SLC25A40: variants seen among roughly 807,000 people sequenced by gnomAD.
The protein encoded by SLC25A40 is solute carrier family 25 member 40, also known as mitochondrial glutathione transporter SLC25A40.
In SLC25A40, 41 loss-of-function variants were observed where a neutral mutation model predicts 46.5. That is an observed-to-expected ratio of 0.88 (90% CI 0.69 to 1.14). SLC25A40 has a LOEUF of 1.14. Ranked by LOEUF, SLC25A40 falls within the 50% of genes most tolerant of loss-of-function variation. The pLI is 0.00. For synonymous variants in SLC25A40, 126 were observed against 127.5 expected (o/e 0.99, Z 0.08); for missense variants, 386 against 393.6 (o/e 0.98, Z 0.16).
Position 87,843,784 on chromosome 7 carries a change from G to A in SLC25A40, c.711C>T (p.Ile237=). The A allele has an allele frequency of 6.2e-7, 1 of 1,610,542 alleles. No homozygotes were observed. ...KSGLYEPTFM[I]NFTSGALSGS... is the part of the protein sequence containing the mutation. The stretch of plus-strand genomic sequence containing the variant: ...CAGACAATGCCCCTGAAGTAAAGTT[G>A]ATCATAAATGTTGGCTCATATAAAC... Residue 237 remains isoleucine, a synonymous_variant, in exon 9 of 12, where the codon ATC becomes ATT. Transcript: ENST00000341119.
intron 10 of SLC25A40, 74 bp downstream of exon 10, chr7:87,841,559 T>G (rs1391348111): frequency 2.6e-6 from 2 of 782,004 alleles, no homozygotes; most frequent in Non-Finnish European, 3.8e-6. Context: ...TTCCTTATTT[T>G]AGATATCCCT....
chr7:87,843,821 C>T lies in SLC25A40; in HGVS notation c.674G>A (p.Cys225Tyr), dbSNP rs151156402. 5 of 1,610,816 alleles carry T rather than the reference C, an allele frequency of 3.1e-6. No homozygotes were observed. The African/African-American group carries it at 5.3e-5, about 17-fold the overall frequency. The change falls in exon 9 of 12, where the codon TGT becomes TAT. Residue 225 changes from cysteine (C) to tyrosine (Y), a missense_variant. Transcript: ENST00000341119. ...YNYEILKKWL[C>Y]EKSGLYEPTF... is the part of the protein sequence containing the mutation. ...TGGCTCATATAAACCAGATTTCTCA[C>T]ATAACCACTTCTTTAAAATTTCATA...
At chr7:87,852,322 C>T (rs542533223) in intron 5 of SLC25A40, among the ~76,000 whole-genome samples, 2 of 152,190 alleles carry the variant, frequency 1.3e-5, no homozygotes, top group South Asian at 2.1e-4. Context: ...TGTCTCACGC[C>T]GGTATCTCAG....
intron 1 of SLC25A40, among the ~76,000 whole-genome samples, chr7:87,865,527 T>G (rs1306024296): frequency 6.6e-6 from 1 of 152,164 alleles, no homozygotes; most frequent in Non-Finnish European, 1.5e-5. Flanking sequence ...TCCCAGCACT[T>G]TGGGAGACCA....
chr7:87,873,861 A>G (rs956795165), intron 1 of SLC25A40, among the ~76,000 whole-genome samples: 1 of 152,128 alleles, frequency 6.6e-6, no homozygotes, highest in African/African-American at 2.4e-5. Context: ...ATGTTCTCCA[A>G]TTTTGCCTAA....
chr7:87,868,826 G>A (rs1838847842), intron 1 of SLC25A40, among the ~76,000 whole-genome samples: 1 of 152,080 alleles, frequency 6.6e-6, no homozygotes, highest in Non-Finnish European at 1.5e-5. Context: ...TTAAACCACT[G>A]GTCATTAGTG....
rs922214631 is a variant in SLC25A40, at chr7:87,858,631, C to G, written c.97G>C (p.Val33Leu). 6.6e-7 allele frequency: 1 copy of G among 1,521,952 alleles called. No homozygotes were observed. The highest frequency in any genetic ancestry group is 2.3e-5 in the East Asian group (1 of 44,440). 94.3% of individuals were successfully genotyped at this position (1,521,952 alleles called of 1,614,324 possible). ...CTGAILTSVIVTPLDVVKIRL... is the reference protein window; with the variant it reads ...CTGAILTSVILTPLDVVKIRL... ...ATCTACATCAGTAACATAATTTTAC[C>G]TATTACTGATGTCAGTATAGCTCCA... Residue 33 changes from valine to leucine, a missense_variant and splice_region_variant, in exon 3 of 12, where the codon GTG (valine) becomes CTG (leucine). Transcript: ENST00000341119.
At chr7:87,867,729 T>C (rs1838826249) in intron 1 of SLC25A40, among the ~76,000 whole-genome samples, 4 of 152,220 alleles carry the variant, frequency 2.6e-5, no homozygotes, top group Non-Finnish European at 5.9e-5. Context: ...TTACTGGGCA[T>C]GTTTGCTTAG....
chr7:87,843,734 C>A lies in SLC25A40; in HGVS notation c.741+20G>T, dbSNP rs376198463. The stretch of plus-strand genomic sequence containing the variant: ...AACAATTATTCTTCTGGAATATTAA[C>A]AACAAAAGAATAAACTTACAGAACC... On this transcript the variant is annotated intron_variant, in intron 9 of 11. Transcript: ENST00000341119. 7.2e-6 allele frequency: 11 copies of A among 1,532,002 alleles called. No individual in the cohort carries two copies. The highest frequency in any genetic ancestry group is 3.4e-4 in the Middle Eastern group (2 of 5,920). 94.9% of individuals were successfully genotyped at this position (1,532,002 alleles called of 1,614,324 possible). A position where few individuals can be genotyped will look rare whatever the true frequency, so the allele number is the denominator to read the frequency against.
intron 10 of SLC25A40, among the ~76,000 whole-genome samples, chr7:87,838,984 T>A (rs1378048710): frequency 6.6e-6 from 1 of 151,628 alleles, no homozygotes; most frequent in African/African-American, 2.4e-5. Flanking sequence ...TTTGCTGTTT[T>A]TAACAATCTT....
At chr7:87,853,686 G>A (rs1838555020) in intron 5 of SLC25A40, among the ~76,000 whole-genome samples, 1 of 152,026 alleles carries the variant, frequency 6.6e-6, no homozygotes, top group Non-Finnish European at 1.5e-5. Context: ...ACCCCAAAAG[G>A]TTATATATGT....
Position 87,836,822 on chromosome 7 carries a change from A to C in SLC25A40, c.824-12T>G. The C allele has an allele frequency of 7.2e-7, 1 of 1,395,414 alleles. No homozygotes were observed. Among genetic ancestry groups the C allele is most frequent in the Non-Finnish European group, 9.7e-7 (1 of 1,033,726 alleles). The allele number at this position is 1,395,414 out of a possible 1,614,324, so 86.4% of individuals were successfully genotyped here. On this transcript the variant is annotated splice_polypyrimidine_tract_variant and intron_variant, in intron 10 of 11. Coordinates refer to ENST00000341119, the MANE Select transcript of SLC25A40 (RefSeq NM_018843.4). Reference sequence around the variant, plus strand: ...CAAAGGCATAGAAACTAAATGTTAAAATAAAGAAATAATGCTATTATAAAT... The same window carrying C: ...CAAAGGCATAGAAACTAAATGTTAACATAAAGAAATAATGCTATTATAAAT...
chr7:87,837,077 A>T (rs1399804770), intron 10 of SLC25A40: 1 of 193,500 alleles, frequency 5.2e-6, no homozygotes, highest in African/African-American at 2.3e-5. Flanking sequence ...TGACTTGATA[A>T]TGCTTGTTTC....
chr7:87,843,538 A>C lies in SLC25A40; in HGVS notation c.741+216T>G, dbSNP rs17149957. 7.0e-3 allele frequency among the ~76,000 whole-genome samples: 1,065 copies of C among 152,192 alleles called. 9 individuals are homozygous for C. Among genetic ancestry groups the C allele is most frequent in the East Asian group, 0.049 (253 of 5,182 alleles). ...TCTAACAAATCCAAAAGTTTCTCAG[A>C]AAAATATGTTTTTGTAACATAAAAA... On this transcript the variant is annotated intron_variant, in intron 9 of 11. Coordinates refer to ENST00000341119, the MANE Select transcript of SLC25A40 (RefSeq NM_018843.4).
chr7:87,835,265 GCTT>G lies in SLC25A40; in HGVS notation c.*981_*983del, dbSNP rs1478465790. On this transcript the variant is annotated 3_prime_UTR_variant, in exon 12 of 12. Coordinates refer to ENST00000341119, the MANE Select transcript of SLC25A40 (RefSeq NM_018843.4). ...TGAAAGCAATGTCTTCAAGGAAACAGCTTCTTGTTTAGCCTCTTACTCTACCAT... is the reference window on the plus strand; with the variant it reads ...TGAAAGCAATGTCTTCAAGGAAACAGCTTGTTTAGCCTCTTACTCTACCAT... The G allele has an allele frequency of 1.3e-5, 2 of 151,556 alleles. No homozygotes were observed. The highest frequency in any genetic ancestry group is 2.4e-5 in the African/African-American group (1 of 41,364). 9.4% of individuals were successfully genotyped at this position (151,556 alleles called of 1,614,324 possible).
At chr7:87,856,387 T>C in intron 3 of SLC25A40, 36 bp from the exon 4 acceptor site, 1 of 1,486,032 alleles carries the variant, frequency 6.7e-7, no homozygotes, top group Non-Finnish European at 9.4e-7. Context: ...TAGCGAGTGG[T>C]ATCTGTAAAT....
chr7:87,852,483 C>T (rs190728372), intron 5 of SLC25A40, among the ~76,000 whole-genome samples: 78 of 152,178 alleles, frequency 5.1e-4, no homozygotes, highest in Non-Finnish European at 2.4e-4. Flanking sequence ...GTGGGAGAAT[C>T]TCTTGAGGCG....
chr7:87,846,906 A>G (rs766765385), intron 8 of SLC25A40, 43 bp downstream of exon 8: 3 of 1,513,252 alleles, frequency 2.0e-6, no homozygotes, highest in African/African-American at 2.8e-5. Flanking sequence ...GAATGAGACA[A>G]AGCCATGTAA....
intron 1 of SLC25A40, among the ~76,000 whole-genome samples, chr7:87,871,770 TTGTATCATC>T (rs1200952260): frequency 3.9e-5 from 6 of 152,232 alleles, no homozygotes; most frequent in Admixed American, 3.9e-4. Context: ...CCATAATTTT[TTGTATCATC>T]TTTGCCTTTC....
Sources: allele counts gnomAD v4.1 joint callset (sites outside exome capture counted in the v4.1 genomes callset), GRCh38; gene constraint gnomAD v4.1.1; transcripts MANE v1.5; gene names NCBI Gene and HGNC (gene_info 2026-07-23, HGNC 2026-07-21).